THAP4: variants seen among roughly 807,000 people sequenced by gnomAD.
The protein encoded by THAP4 is THAP domain containing 4.
A neutral mutation model predicts 48.1 loss-of-function variants in THAP4; 18 were observed. The observed-to-expected ratio is 0.37, with a 90% CI of 0.26 to 0.56. The LOEUF (loss-of-function observed/expected upper bound fraction) is 0.56. Among genes scored for constraint, THAP4 ranks in the 20% least tolerant of loss-of-function variants. The pLI, the probability that THAP4 is intolerant of heterozygous loss-of-function variation, is 0.78. For missense variants in THAP4, 656 were observed against 774.9 expected (o/e 0.85, Z 1.82); for synonymous variants, 345 against 324.9 (o/e 1.06, Z -0.66).
chr2:241,600,697 C>T (rs549263795), intron 5 of THAP4, among the ~76,000 whole-genome samples: 6 of 144,294 alleles, frequency 4.2e-5, no homozygotes, highest in Non-Finnish European at 7.5e-5. Flanking sequence ...CACTGCACTC[C>T]AGCCTGGGTG....
At chr2:241,607,235 G>A (rs1490769662) in intron 2 of THAP4, among the ~76,000 whole-genome samples, 1 of 152,120 alleles carries the variant, frequency 6.6e-6, no homozygotes, top group African/African-American at 2.4e-5. Flanking sequence ...GGACAGCAGG[G>A]AGGGGCCGCT....
chr2:241,597,991 A>C (rs1272060169), intron 5 of THAP4, among the ~76,000 whole-genome samples: 2 of 151,294 alleles, frequency 1.3e-5, no homozygotes, highest in East Asian at 1.9e-4. Context: ...AAAAAAAAAA[A>C]CAAAAAACCC....
intron 2 of THAP4, among the ~76,000 whole-genome samples, chr2:241,608,953 G>A (rs1225693258): frequency 6.6e-6 from 1 of 152,228 alleles, no homozygotes; most frequent in Non-Finnish European, 1.5e-5. Flanking sequence ...ACGTAGGCCT[G>A]GTCTTGCTGG....
intron 2 of THAP4, among the ~76,000 whole-genome samples, chr2:241,632,701 C>T (rs2125099699): frequency 6.6e-6 from 1 of 152,330 alleles, no homozygotes; most frequent in South Asian, 2.1e-4. Flanking sequence ...TACATCCCTA[C>T]ACACACAGAT....
chr2:241,585,848 G>C (rs989237982), intron 5 of THAP4, among the ~76,000 whole-genome samples: 13 of 148,802 alleles, frequency 8.7e-5, no homozygotes, highest in Non-Finnish European at 1.8e-4. Flanking sequence ...AAGAGGTGGA[G>C]GTTGCAGTGA....
intron 2 of THAP4, 77 bp from the exon 3 acceptor site, chr2:241,606,550 C>A: frequency 7.3e-7 from 1 of 1,364,580 alleles, no homozygotes. Flanking sequence ...AATGCACGTT[C>A]CATATCGACG....
At chr2:241,618,037 C>A (rs1212632623) in intron 2 of THAP4, among the ~76,000 whole-genome samples, 3 of 152,212 alleles carry the variant, frequency 2.0e-5, no homozygotes, top group Non-Finnish European at 4.4e-5. Context: ...AAGGCACACA[C>A]AGAAAGGGAC....
chr2:241,611,407 G>A (rs1367780194), intron 2 of THAP4, among the ~76,000 whole-genome samples: 4 of 152,238 alleles, frequency 2.6e-5, no homozygotes, highest in African/African-American at 7.2e-5. Context: ...CCATAGAGAA[G>A]TAATGCGCCA....
rs539534801 is a variant in THAP4, at chr2:241,623,170, T to C, written c.1240+9747A>G. On this transcript the variant is annotated intron_variant, in intron 2 of 5. Transcript: ENST00000407315. ...AGTCGGAGGCTGCAGTGAGCCAACG[T>C]TGCACCACAGCACTCCAGCCTGGTG... is the stretch of plus-strand genomic sequence containing the variant. 1.5e-4 allele frequency among the ~76,000 whole-genome samples: 23 copies of C among 152,102 alleles called. No individual in the cohort carries two copies. In the South Asian group the frequency reaches 2.1e-3, roughly 14 times the overall value.
intron 1 of THAP4, 72 bp downstream of exon 1, chr2:241,636,869 C>T (rs1362992505): frequency 3.2e-6 from 3 of 929,596 alleles, no homozygotes; most frequent in Non-Finnish European, 3.9e-6. Flanking sequence ...CGCGTTCGGG[C>T]CGGCCGCGGG....
At chr2:241,637,460 A>T, upstream of THAP4, 1 of 1,465,848 alleles carries the variant, frequency 6.8e-7, no homozygotes, top group Admixed American at 2.4e-5. Flanking sequence ...CATGGCACAC[A>T]GTGTCCCGTC....
At chr2:241,622,933 T>C (rs2067450481) in intron 2 of THAP4, among the ~76,000 whole-genome samples, 1 of 152,170 alleles carries the variant, frequency 6.6e-6, no homozygotes, top group Non-Finnish European at 1.5e-5. Flanking sequence ...AAACCCACTT[T>C]GAGGCCAGGC....
At chr2:241,628,925 CA>C (rs34034619) in intron 2 of THAP4, among the ~76,000 whole-genome samples, 17,904 of 63,886 alleles carry the variant, frequency 0.28, 735 homozygotes, top group East Asian at 0.47. Flanking sequence ...GAGATTGTCT[CA>C]AAAAAAAAAA....
intron 5 of THAP4, among the ~76,000 whole-genome samples, chr2:241,590,510 A>C (rs1575016578): frequency 6.8e-6 from 1 of 146,132 alleles, no homozygotes; most frequent in Admixed American, 6.8e-5. Context: ...AATGGGCACT[A>C]GGACACACAG....
chr2:241,635,918 G>A (rs747697208), intron 1 of THAP4, among the ~76,000 whole-genome samples: 6 of 152,180 alleles, frequency 3.9e-5, no homozygotes, highest in Non-Finnish European at 7.3e-5. Context: ...CTAAGCAACA[G>A]GACCTTCTAA....
At chr2:241,602,905 C>A in intron 4 of THAP4, 65 bp downstream of exon 4, 1 of 1,267,020 alleles carries the variant, frequency 7.9e-7, no homozygotes, top group Non-Finnish European at 1.1e-6. Flanking sequence ...TCCCTGCACC[C>A]CTGCTTCGAA....
rs1389204929 is a variant in THAP4, at chr2:241,616,686, A to T, written c.1241-10213T>A. Among the ~76,000 whole-genome samples the T allele has an allele frequency of 6.6e-6, 1 of 152,170 alleles. No individual in the cohort carries two copies. ...TAGAGAATTCTAAGATAGCTCTGAA[A>T]TTCAGAAGAAACGCTTTTGAGCAGA... is the stretch of plus-strand genomic sequence containing the variant. On this transcript the variant is annotated intron_variant, in intron 2 of 5. Transcript: ENST00000407315. This position sits in a 1 kb window ranked among gnomAD's most constrained non-coding sequence, Gnocchi z 4.6.
At chr2:241,619,249 A>G (rs1008309684) in intron 2 of THAP4, among the ~76,000 whole-genome samples, 7 of 152,240 alleles carry the variant, frequency 4.6e-5, no homozygotes, top group African/African-American at 1.2e-4. Context: ...TTTTACAGCC[A>G]CTGCAGGATT....
chr2:241,598,123 TC>T (rs1182448056), intron 5 of THAP4, among the ~76,000 whole-genome samples: 1 of 152,190 alleles, frequency 6.6e-6, no homozygotes, highest in Non-Finnish European at 1.5e-5. Context: ...TATTACTTCT[TC>T]CAAAAATTCT....
Sources: allele counts gnomAD v4.1 joint callset (sites outside exome capture counted in the v4.1 genomes callset), GRCh38; gene constraint gnomAD v4.1.1; non-coding constraint Gnocchi (gnomAD v3.1); transcripts MANE v1.5; gene names NCBI Gene and HGNC (gene_info 2026-07-23, HGNC 2026-07-21).